The following RBFOX1 variants were observed in gnomAD, a reference collection of about 807,000 sequenced individuals.
RBFOX1 encodes RNA binding protein fox-1 homolog 1.
RBFOX1 carries 8 observed loss-of-function variants against 57.7 expected under a neutral mutation model. That is an observed-to-expected ratio of 0.14 (90% CI 0.08 to 0.25). RBFOX1 has a LOEUF of 0.25. RBFOX1 is among the 10% of genes least tolerant of loss of function. The pLI is 1.00. For synonymous variants in RBFOX1, 326 were observed against 222.4 expected (o/e 1.47, Z -4.15); for missense variants, 611 against 548.5 (o/e 1.11, Z -1.14).
chr16:5,913,817 A>T (rs578146799), intron 4 of RBFOX1, among the ~76,000 whole-genome samples: 133 of 152,380 alleles, frequency 8.7e-4, no homozygotes, highest in Non-Finnish European at 1.3e-3. Flanking sequence ...TAAAGATAAC[A>T]GCTAACATTG....
At chr16:5,595,171 C>T (rs2047142232) in intron 2 of RBFOX1, among the ~76,000 whole-genome samples, 1 of 151,874 alleles carries the variant, frequency 6.6e-6, no homozygotes, top group Non-Finnish European at 1.5e-5. Context: ...ACCATGTTTC[C>T]CCAAAGACAT....
rs149412136 is a variant in RBFOX1, at chr16:5,359,973, A to G, written c.220-107243A>G. Among the ~76,000 whole-genome samples, 855 of 152,366 alleles carry G rather than the reference A, an allele frequency of 5.6e-3. 6 individuals carry two copies. Among genetic ancestry groups the G allele is most frequent in the African/African-American group, 0.02 (822 of 41,584 alleles). On this transcript the variant is annotated intron_variant, in intron 1 of 2. Transcript: ENST00000585867. Reference sequence around the variant, plus strand: ...GTCCTCACCTCAGAATGTTTGTTCCAGAGCGAAAACAATCCAAAACATAAA... The same window carrying G: ...GTCCTCACCTCAGAATGTTTGTTCCGGAGCGAAAACAATCCAAAACATAAA...
chr16:7,316,950 A>G (rs1204231502), intron 4 of RBFOX1, among the ~76,000 whole-genome samples: 4 of 131,928 alleles, frequency 3.0e-5, no homozygotes, highest in Non-Finnish European at 6.5e-5. Context: ...GCCAAGACGA[A>G]TGAAGAAGAC....
chr16:6,733,138 A>G (rs903975317), intron 3 of RBFOX1, among the ~76,000 whole-genome samples: 3 of 152,198 alleles, frequency 2.0e-5, no homozygotes, highest in African/African-American at 7.2e-5. Flanking sequence ...GCAAATATCA[A>G]AATGTGAATA....
intron 4 of RBFOX1, among the ~76,000 whole-genome samples, chr16:7,278,541 C>T (rs2141064297): frequency 6.6e-6 from 1 of 152,276 alleles, no homozygotes; most frequent in South Asian, 2.1e-4. Flanking sequence ...TTTTAGAGTT[C>T]ATTAAAATTT....
chr16:6,013,269 G>A (rs1013526554), intron 4 of RBFOX1, among the ~76,000 whole-genome samples: 2 of 152,150 alleles, frequency 1.3e-5, no homozygotes, highest in African/African-American at 2.4e-5. Context: ...AAACAAGCCT[G>A]CCCTAAATCA....
At chr16:5,703,572 C>G (rs2051130326) in intron 3 of RBFOX1, among the ~76,000 whole-genome samples, 1 of 152,150 alleles carries the variant, frequency 6.6e-6, no homozygotes, top group Non-Finnish European at 1.5e-5. Flanking sequence ...TTTTAGTGCA[C>G]AGATGTTTTA....
At position 6,056,131 on chromosome 16, in the gene RBFOX1, C is replaced by G. The variant is rs144192805; in HGVS notation, c.-127+36139C>G. On this transcript the variant is annotated intron_variant, in intron 1 of 15. Coordinates refer to ENST00000550418, the MANE Select transcript of RBFOX1 (RefSeq NM_018723.4). ...GTATAAACGGCGGGAAAATATCTGT[C>G]CATAGCTGCTTGTCATTTTTGTGTC... 1.1e-3 allele frequency among the ~76,000 whole-genome samples: 162 copies of G among 152,160 alleles called. 2 individuals carry two copies. In the East Asian group the frequency reaches 0.027, roughly 26 times the overall value.
intron 4 of RBFOX1, among the ~76,000 whole-genome samples, chr16:7,265,038 C>G (rs770311588): frequency 6.6e-6 from 1 of 152,222 alleles, no homozygotes; most frequent in South Asian, 2.1e-4. Context: ...CAGGCCAGTC[C>G]CATTCTTTTT....
chr16:7,128,567 G>A (rs1260160639), intron 4 of RBFOX1, among the ~76,000 whole-genome samples: 2 of 152,154 alleles, frequency 1.3e-5, no homozygotes, highest in African/African-American at 2.4e-5. Flanking sequence ...TGGCACAATT[G>A]TACATGCAGA....
chr16:7,082,199 G>T (rs12709173), intron 4 of RBFOX1, among the ~76,000 whole-genome samples: 1 of 151,632 alleles, frequency 6.6e-6, no homozygotes, highest in African/African-American at 2.4e-5. Flanking sequence ...CAACATTGAA[G>T]ACCTATGGTT....
At chr16:6,231,235 T>G (rs200060255) in intron 1 of RBFOX1, among the ~76,000 whole-genome samples, 7 of 48,944 alleles carry the variant, frequency 1.4e-4, no homozygotes, top group East Asian at 6.0e-4. Flanking sequence ...TGTGTGTGTG[T>G]GTAGGTGTGT....
At chr16:6,032,468 G>C (rs2095304781) in intron 1 of RBFOX1, among the ~76,000 whole-genome samples, 1 of 152,176 alleles carries the variant, frequency 6.6e-6, no homozygotes, top group African/African-American at 2.4e-5. Flanking sequence ...GGGAGAAAGA[G>C]GCTCTTGAGC....
intron 3 of RBFOX1, among the ~76,000 whole-genome samples, chr16:5,794,076 C>T (rs548912993): frequency 2.6e-5 from 4 of 152,270 alleles, no homozygotes; most frequent in African/African-American, 9.6e-5. Context: ...TTTGGAGCCT[C>T]GACCTTGACA....
intron 4 of RBFOX1, among the ~76,000 whole-genome samples, chr16:7,118,831 C>A (rs776577799): frequency 6.6e-6 from 1 of 151,916 alleles, no homozygotes; most frequent in Non-Finnish European, 1.5e-5. Context: ...ACCAGGGCAC[C>A]GAAAGAGAGA....
At chr16:6,341,177 A>G (rs969982897) in intron 2 of RBFOX1, among the ~76,000 whole-genome samples, 4 of 152,204 alleles carry the variant, frequency 2.6e-5, no homozygotes, top group East Asian at 1.9e-4. Flanking sequence ...CAAGGTGTCA[A>G]TGGGGCAGCA....
intron 1 of RBFOX1, among the ~76,000 whole-genome samples, chr16:5,397,995 T>A (rs776353663): frequency 3.9e-5 from 6 of 152,204 alleles, no homozygotes; most frequent in Non-Finnish European, 5.9e-5. Flanking sequence ...AAGAGACAGA[T>A]GTTAAATAAA....
chr16:5,858,494 C>G (rs1451644230), intron 3 of RBFOX1, among the ~76,000 whole-genome samples: 1 of 152,180 alleles, frequency 6.6e-6, no homozygotes, highest in Non-Finnish European at 1.5e-5. Flanking sequence ...CCCTCCCTCC[C>G]CTGTGACTTT....
chr16:5,839,197 C>T (rs1288152027), intron 3 of RBFOX1, among the ~76,000 whole-genome samples: 1 of 152,162 alleles, frequency 6.6e-6, no homozygotes, highest in African/African-American at 2.4e-5. Flanking sequence ...TTTGCACCAG[C>T]ACATTTTGGC....
Sources: gnomAD v4.1 joint callset for allele counts (sites outside exome capture counted in the v4.1 genomes callset) on GRCh38, gnomAD v4.1.1 for gene constraint, MANE v1.5 for transcripts, NCBI Gene and HGNC (gene_info 2026-07-23, HGNC 2026-07-21) for gene names.